The following CPS1 variants were observed in gnomAD, a reference collection of about 807,000 sequenced individuals.
CPS1 encodes carbamoyl-phosphate synthase [ammonia], mitochondrial.
Under a neutral mutation model 174.6 loss-of-function variants are expected in CPS1, and 109 were observed. The ratio of observed to expected loss-of-function variants is 0.62; its 90% CI spans 0.53 to 0.73. The LOEUF is 0.73. Ranked by LOEUF, CPS1 falls within the 30% of genes least tolerant of loss-of-function variation. The probability of loss-of-function intolerance (pLI) is 0.00; values close to 1 mark genes in which losing one functional copy is unlikely to be tolerated. For missense variants in CPS1, 1,689 were observed against 1,821.9 expected (o/e 0.93, Z 1.33); for synonymous variants, 637 against 632.0 (o/e 1.01, Z -0.12).
At chr2:210,637,978 C>T (rs1425627814) in intron 22 of CPS1, 135 bp downstream of exon 22, 4 of 979,428 alleles carry the variant, frequency 4.1e-6, no homozygotes, top group Non-Finnish European at 6.4e-6. Flanking sequence ...CCGGTTGATG[C>T]TCATAATGTC....
At chr2:210,614,339 G>A (rs1480371590) in intron 20 of CPS1, among the ~76,000 whole-genome samples, 1 of 151,836 alleles carries the variant, frequency 6.6e-6, no homozygotes, top group South Asian at 2.1e-4. Context: ...TTGGTATTAC[G>A]AATAGTGCTG....
At chr2:210,615,113 G>GCCCT (rs1699261696) in intron 20 of CPS1, among the ~76,000 whole-genome samples, 1 of 151,724 alleles carries the variant, frequency 6.6e-6, no homozygotes, top group Admixed American at 6.6e-5. Flanking sequence ...AGGATTCTAG[G>GCCCT]CCCTCCCTCA....
At chr2:210,543,575 C>G (rs1309831976) in intron 1 of CPS1, among the ~76,000 whole-genome samples, 1 of 152,038 alleles carries the variant, frequency 6.6e-6, no homozygotes, top group Non-Finnish European at 1.5e-5. Context: ...TTGTTCTCCA[C>G]TATTATTTTC....
At chr2:210,556,057 A>G (rs983011379), upstream of CPS1, among the ~76,000 whole-genome samples, 1 of 152,022 alleles carries the variant, frequency 6.6e-6, no homozygotes, top group Non-Finnish European at 1.5e-5. Context: ...ACACAGAACA[A>G]TGCTATAGTA....
intron 1 of CPS1, among the ~76,000 whole-genome samples, chr2:210,507,452 G>C (rs972146591): frequency 2.6e-5 from 4 of 152,276 alleles, no homozygotes; most frequent in Admixed American, 6.5e-5. Flanking sequence ...AGCGAGGCTA[G>C]GAAGAAAGTG....
chr2:210,632,930 T>A (rs1699915662), intron 21 of CPS1, among the ~76,000 whole-genome samples: 1 of 152,222 alleles, frequency 6.6e-6, no homozygotes, highest in Admixed American at 6.5e-5. Flanking sequence ...AATATTGTAT[T>A]CTGTTATTGA....
At chr2:210,663,255 T>C in intron 33 of CPS1, 58 bp downstream of exon 33, 1 of 1,497,090 alleles carries the variant, frequency 6.7e-7, no homozygotes, top group East Asian at 2.3e-5. Context: ...ATCTATGGTT[T>C]TATGATTTGA....
intron 1 of CPS1, among the ~76,000 whole-genome samples, chr2:210,566,153 T>C (rs185546196): frequency 2.0e-5 from 3 of 152,224 alleles, no homozygotes; most frequent in African/African-American, 7.2e-5. Context: ...CCTGAAAAAT[T>C]TGACAGCAGG....
intron 12 of CPS1, 66 bp from the exon 13 acceptor site, chr2:210,595,421 T>A: frequency 8.9e-7 from 1 of 1,128,942 alleles, no homozygotes; most frequent in African/African-American, 1.5e-5. Flanking sequence ...TCTTCTCCAA[T>A]CTTGAAAATG....
Position 210,606,769 on chromosome 2 carries a change from A to C in CPS1, c.2020A>C (p.Asn674His), listed in dbSNP as rs77521725. ...VVVAPAQTLS[N>H]AEFQMLRRTS... ...TGTGGCTCCTGCCCAGACACTCTCC[A>C]ATGCCGAGTTTCAGATGTTGAGACG... Residue 674 changes from asparagine to histidine, a missense_variant, in exon 18 of 38, where the codon AAT becomes CAT. Coordinates refer to ENST00000233072, the MANE Select transcript of CPS1 (RefSeq NM_001875.5). 1 of 1,612,528 alleles carries C rather than the reference A, an allele frequency of 6.2e-7. No individual in the cohort carries two copies. The highest frequency in any genetic ancestry group is 8.5e-7 in the Non-Finnish European group (1 of 1,179,040).
intron 21 of CPS1, among the ~76,000 whole-genome samples, chr2:210,621,002 C>A (rs1258276920): frequency 6.6e-6 from 1 of 152,050 alleles, no homozygotes; most frequent in Admixed American, 6.6e-5. Context: ...ACTTCTGAAG[C>A]AATATCTATT....
intron 1 of CPS1, among the ~76,000 whole-genome samples, chr2:210,498,684 G>A (rs1260698258): frequency 1.3e-5 from 2 of 152,120 alleles, no homozygotes; most frequent in Non-Finnish European, 2.9e-5. Flanking sequence ...TCTAGGCATG[G>A]AGCTGGGAAA....
chr2:210,590,314 A>C, intron 8 of CPS1, 80 bp downstream of exon 8: 2 of 1,594,804 alleles, frequency 1.3e-6, no homozygotes, highest in Non-Finnish European at 1.7e-6. Context: ...GCTGTGATAC[A>C]TTTTATTTAT....
In CPS1 at chr2:210,546,166, G is replaced by A. The variant is rs185663307; in HGVS notation, c.4-10553G>A. 3.3e-3 allele frequency among the ~76,000 whole-genome samples: 495 copies of A among 152,016 alleles called. 2 individuals are homozygous for A. Among genetic ancestry groups the A allele is most frequent in the Non-Finnish European group, 6.2e-3 (418 of 67,950 alleles). ...GTGTTCCAGACTTATTTTTATTCTC[G>A]GATCTAGCACCATGCTTGGCATGTA... On this transcript the variant is annotated intron_variant, in intron 1 of 38. Transcript: ENST00000430249.
chr2:210,545,750 T>A (rs1696545388), intron 1 of CPS1, among the ~76,000 whole-genome samples: 1 of 152,096 alleles, frequency 6.6e-6, no homozygotes. Flanking sequence ...TTTACTCAAG[T>A]TAATTTGCTC....
At chr2:210,497,893 C>CATACATATATATATATATAT (rs373767668) in intron 1 of CPS1, among the ~76,000 whole-genome samples, 2 of 86,940 alleles carry the variant, frequency 2.3e-5, no homozygotes, top group Admixed American at 1.3e-4. Flanking sequence ...TATATACATA[C>CATACATATATATATATATAT]ATATATATAT....
intron 1 of CPS1, among the ~76,000 whole-genome samples, chr2:210,487,350 C>T (rs1350320946): frequency 1.3e-5 from 2 of 152,170 alleles, no homozygotes; most frequent in Non-Finnish European, 1.5e-5. Context: ...TGTTGTCTTA[C>T]ATCTAGCTAG....
chr2:210,519,570 T>A (rs1695766648), intron 1 of CPS1: 1 of 156,332 alleles, frequency 6.4e-6, no homozygotes, highest in Non-Finnish European at 1.4e-5. Flanking sequence ...ATCTTCTAAA[T>A]GGCCTTCAGA....
rs143025012 is a variant in CPS1, at chr2:210,599,361, G to C, written c.1360-11G>C. On this transcript the variant is annotated splice_polypyrimidine_tract_variant and intron_variant, in intron 13 of 37. Transcript: ENST00000233072. ...ATATATTCATGTACTGGATTCTTTT[G>C]TTTCTTTCAGGAAGAAAATGTCAAA... is the stretch of plus-strand genomic sequence containing the variant. 23 of 1,611,278 alleles carry C rather than the reference G, an allele frequency of 1.4e-5. No homozygotes were observed. The East Asian group carries it at 4.9e-4, about 34-fold the overall frequency.
Sources: gnomAD v4.1 joint callset for allele counts (sites outside exome capture counted in the v4.1 genomes callset) on GRCh38, gnomAD v4.1.1 for gene constraint, MANE v1.5 for transcripts, NCBI Gene and HGNC (gene_info 2026-07-23, HGNC 2026-07-21) for gene names.